The following TDRD6 variants were observed in gnomAD, a reference collection of about 807,000 sequenced individuals.
TDRD6 encodes tudor domain-containing protein 6.
Under a neutral mutation model 157.5 loss-of-function variants are expected in TDRD6, and 186 were observed. The ratio of observed to expected loss-of-function variants is 1.18; its 90% confidence interval spans 1.05 to 1.33. The LOEUF is 1.33. TDRD6 is among the 40% of genes most tolerant of loss of function. The pLI, the probability that TDRD6 is intolerant of heterozygous loss-of-function variation, is 0.00. For synonymous variants in TDRD6, 1,075 were observed against 945.2 expected (o/e 1.14, Z -2.52); for missense variants, 3,066 against 2,508.0 (o/e 1.22, Z -4.75).
intron 2 of TDRD6, among the ~76,000 whole-genome samples, chr6:46,697,583 C>T (rs1764528945): frequency 6.6e-6 from 1 of 152,114 alleles, no homozygotes; most frequent in South Asian, 2.1e-4. Context: ...TTTTCATTGT[C>T]TTTTAAAGTG....
chr6:46,689,760 T>C lies in TDRD6; in HGVS notation c.1632T>C (p.Cys544=), dbSNP rs1764249360. The C allele has an allele frequency of 6.2e-7, 1 of 1,614,078 alleles. No homozygotes were observed. The change falls in exon 1 of 4, where the codon TGT becomes TGC. Residue 544 remains cysteine (C), a synonymous_variant. Transcript: ENST00000316081. ...AACCTGAACCTGATGACCTTTGCTG[T>C]GTCAAGTGGAAAGAAAATGGTTATT... ...VLKPEPDDLC[C]VKWKENGYYR... is the part of the protein sequence containing the mutation.
At position 46,695,819 on chromosome 6, in the gene TDRD6, A is replaced by G; in HGVS notation, c.6047-2A>G. On this transcript the variant is annotated splice_acceptor_variant, in intron 1 of 3. Transcript: ENST00000316081. LOFTEE classifies it high-confidence loss of function. ...TGAGTCTTACTCAATTCAATTTGGC[A>G]GCTCAACTACAGAACACCTACACTC... The G allele has an allele frequency of 6.2e-7, 1 of 1,611,968 alleles. No homozygotes were observed. The highest frequency in any genetic ancestry group is 8.5e-7 in the Non-Finnish European group (1 of 1,179,242).
chr6:46,696,551 ATGTGTG>A (rs1213900777), intron 2 of TDRD6, among the ~76,000 whole-genome samples: 2 of 47,658 alleles, frequency 4.2e-5, no homozygotes, highest in Non-Finnish European at 6.7e-5. Context: ...ATATGTATAT[ATGTGTG>A]TGTGTGTGTG....
Position 46,702,294 on chromosome 6 carries a change from CCTT to C in TDRD6, c.*409_*411del, listed in dbSNP as rs1764644537. The C allele has an allele frequency of 6.5e-6, 1 of 153,816 alleles. No individual in the cohort carries two copies. Among genetic ancestry groups the C allele is most frequent in the African/African-American group, 2.4e-5 (1 of 41,514 alleles). The allele number at this position is 153,816 out of a possible 1,614,324, so 9.5% of individuals were successfully genotyped here. ...TTAGGATAGCTTTTTAGCAGGATCT[CCTT>C]CAGAATTTTTGTCTTGACTTTGAAT... On this transcript the variant is annotated 3_prime_UTR_variant, in exon 4 of 4. Coordinates refer to ENST00000316081, the MANE Select transcript of TDRD6 (RefSeq NM_001010870.3).
Position 46,690,043 on chromosome 6 carries a change from C to T in TDRD6, c.1915C>T (p.His639Tyr), listed in dbSNP as rs1454119475. The change falls in exon 1 of 4, where the codon CAT becomes TAT. Residue 639 changes from histidine to tyrosine, a missense_variant. Transcript: ENST00000316081. ...CATCCATATTCTTGATAAACAGGAT[C>T]ATCAATATGTTATTGAGATTCTTGA... ...LVIHILDKQD[H>Y]QYVIEILDES... 2 of 1,613,982 alleles carry T rather than the reference C, an allele frequency of 1.2e-6. No individual in the cohort carries two copies. Among genetic ancestry groups the T allele is most frequent in the Admixed American group, 1.7e-5 (1 of 60,016 alleles).
intron 2 of TDRD6, among the ~76,000 whole-genome samples, chr6:46,697,223 A>G (rs911524765): frequency 6.6e-5 from 10 of 152,062 alleles, no homozygotes; most frequent in African/African-American, 2.4e-4. Context: ...TATTTTACCT[A>G]TATTCCATCC....
At position 46,692,296 on chromosome 6, in the gene TDRD6, T is replaced by G. The variant is rs1377080861; in HGVS notation, c.4168T>G (p.Tyr1390Asp). ...CCTTCTCTCTGTGCAGTTTATAGAT[T>G]ATGGCAATGTTTCTGTGGTTCATAC... ...NDLLSVQFID[Y>D]GNVSVVHTNK... is the part of the protein sequence containing the mutation. Residue 1390 changes from tyrosine (Y) to aspartate (D), a missense_variant, in exon 1 of 4, where the codon TAT becomes GAT. Coordinates refer to ENST00000316081, the MANE Select transcript of TDRD6 (RefSeq NM_001010870.3). 18 of 1,614,152 alleles carry G rather than the reference T, an allele frequency of 1.1e-5. 1 individual carries two copies. The highest frequency in any genetic ancestry group is 5.5e-5 in the South Asian group (5 of 91,074).
chr6:46,692,222 A>T lies in TDRD6; in HGVS notation c.4094A>T (p.Glu1365Val), dbSNP rs1257562110. ...GATATGATATGTGCTGTTTTCCCAG[A>T]AGATAATTTATGGTATCGTGCTGTG... Reference protein sequence around the residue: ...RGDMICAVFPEDNLWYRAVIK... With the variant: ...RGDMICAVFPVDNLWYRAVIK... The change falls in exon 1 of 4, where the codon GAA becomes GTA. Residue 1365 changes from glutamate (E) to valine (V), a missense_variant. Coordinates refer to ENST00000316081, the MANE Select transcript of TDRD6 (RefSeq NM_001010870.3). The T allele has an allele frequency of 6.2e-7, 1 of 1,613,976 alleles. No individual in the cohort carries two copies. The highest frequency in any genetic ancestry group is 8.5e-7 in the Non-Finnish European group (1 of 1,180,002).
rs1764184323 is a variant in TDRD6 at position 46,688,521 on chromosome 6, A to G, written c.393A>G (p.Leu131=). The change falls in exon 1 of 4, where the codon CTA becomes CTG. Residue 131 remains leucine (L), a synonymous_variant. Coordinates refer to ENST00000316081, the MANE Select transcript of TDRD6 (RefSeq NM_001010870.3). ...NLPSEVLGCV[L]AGLVPAGCGA... ...CCTCGGAAGTGCTGGGCTGCGTGCT[A>G]GCGGGCCTGGTGCCGGCAGGCTGCG... is the stretch of plus-strand genomic sequence containing the variant. The G allele has an allele frequency of 1.3e-6, 2 of 1,567,756 alleles. No individual in the cohort carries two copies. Among genetic ancestry groups the G allele is most frequent in the Admixed American group, 1.8e-5 (1 of 54,234 alleles).
rs1413019505 is a variant in TDRD6, at chr6:46,688,423, C to T, written c.295C>T (p.Leu99=). The T allele has an allele frequency of 2.3e-5, 36 of 1,540,688 alleles. No individual in the cohort carries two copies. The highest frequency in any genetic ancestry group is 2.0e-4 in the Admixed American group (10 of 50,878). Residue 99 remains leucine, a synonymous_variant, in exon 1 of 4, where the codon CTG becomes TTG. Coordinates refer to ENST00000316081, the MANE Select transcript of TDRD6 (RefSeq NM_001010870.3). The part of the protein sequence containing the change: ...RQAQESRVFL[L]DEGRTITAGA... Reference sequence around the variant, plus strand: ...GGCACAGGAGAGCCGTGTCTTCCTGCTGGACGAGGGCCGCACCATCACGGC... The same window carrying T: ...GGCACAGGAGAGCCGTGTCTTCCTGTTGGACGAGGGCCGCACCATCACGGC...
Position 46,689,893 on chromosome 6 carries a change from C to T in TDRD6, c.1765C>T (p.Gln589Ter), listed in dbSNP as rs1311927160. ...DWYDVRMLLP[Q>*]FRQLPILAVK... is the part of the protein sequence containing the mutation. ...GTATGACGTAAGGATGCTGCTTCCT[C>T]AGTTTAGGCAGCTACCAATATTGGC... Residue 589 changes from glutamine to a stop codon, truncating the protein, a stop_gained, in exon 1 of 4, where the codon CAG becomes TAG. Transcript: ENST00000316081. LOFTEE classifies it high-confidence loss of function. 6.2e-7 allele frequency: 1 copy of T among 1,614,042 alleles called. No homozygotes were observed. The highest frequency in any genetic ancestry group is 8.5e-7 in the Non-Finnish European group (1 of 1,180,040).
rs1764689566 is a variant in TDRD6 at position 46,703,940 on chromosome 6, C to T, written c.*2053C>T. ...CCAATTTAATCCACTGCCTTTGCCTCATCTCTAATATTCTTAACCCTTCTC... is the reference window on the plus strand; with the variant it reads ...CCAATTTAATCCACTGCCTTTGCCTTATCTCTAATATTCTTAACCCTTCTC... On this transcript the variant is annotated 3_prime_UTR_variant, in exon 4 of 4. Transcript: ENST00000316081. 1 of 152,418 alleles carries T rather than the reference C, an allele frequency of 6.6e-6. No homozygotes were observed. The highest frequency in any genetic ancestry group is 1.5e-5 in the Non-Finnish European group (1 of 68,228). 9.4% of individuals were successfully genotyped at this position (152,418 alleles called of 1,614,324 possible).
Position 46,688,772 on chromosome 6 carries a change from C to T in TDRD6, c.644C>T (p.Ala215Val). The T allele has an allele frequency of 1.2e-6, 2 of 1,607,168 alleles. No individual in the cohort carries two copies. Among genetic ancestry groups the T allele is most frequent in the South Asian group, 1.1e-5 (1 of 91,072 alleles). Reference protein sequence around the residue: ...FRSLLERYLTAATASVGSGVP... With the variant: ...FRSLLERYLTVATASVGSGVP... The stretch of plus-strand genomic sequence containing the variant: ...TCGCTGCTGGAGCGCTATCTCACAG[C>T]GGCCACTGCTAGCGTGGGCTCCGGG... Residue 215 changes from alanine (A) to valine (V), a missense_variant, in exon 1 of 4, where the codon GCG (alanine) becomes GTG (valine). Physicochemically the swap from Ala to Val is moderately conservative, Grantham distance 64. Coordinates refer to ENST00000316081, the MANE Select transcript of TDRD6 (RefSeq NM_001010870.3).
At chr6:46,699,530 C>G (rs1378379995) in intron 3 of TDRD6, among the ~76,000 whole-genome samples, 1 of 152,148 alleles carries the variant, frequency 6.6e-6, no homozygotes, top group African/African-American at 2.4e-5. Context: ...ATTTCTTACT[C>G]TCTAGCATTC....
chr6:46,685,968 T>C (rs1253581036), upstream of TDRD6, among the ~76,000 whole-genome samples: 1 of 152,080 alleles, frequency 6.6e-6, no homozygotes. Flanking sequence ...CAGCAGAGCA[T>C]GACAGAACAA....
At chr6:46,695,718 G>A (rs45556045) in intron 1 of TDRD6, 103 bp from the exon 2 acceptor site, 37,120 of 1,176,646 alleles carry the variant, frequency 0.032, 678 homozygotes, top group Non-Finnish European at 0.037. Context: ...ACATGATATT[G>A]ATGATATAGA....
Position 46,692,423 on chromosome 6 carries a change from A to G in TDRD6, c.4295A>G (p.Lys1432Arg), listed in dbSNP as rs139660386. ...GAGGTTCCTGACAATAAAAATTCTA[A>G]GAAAATGATGCATTACTTTTCCCAA... ...GFEVPDNKNSKKMMHYFSQRT... is the reference protein window; with the variant it reads ...GFEVPDNKNSRKMMHYFSQRT... Residue 1432 changes from lysine (K) to arginine (R), a missense_variant, in exon 1 of 4, where the codon AAG becomes AGG. Lys to Arg is a conservative substitution (Grantham distance 26, BLOSUM62 2). Transcript: ENST00000316081. 3.5e-3 allele frequency: 5,719 copies of G among 1,614,182 alleles called. 12 individuals carry two copies. The highest frequency in any genetic ancestry group is 4.1e-3 in the Non-Finnish European group (4,835 of 1,180,018).
intron 1 of TDRD6, 25 bp from the exon 2 acceptor site, chr6:46,695,796 A>G: frequency 6.2e-7 from 1 of 1,603,612 alleles, no homozygotes; most frequent in Non-Finnish European, 8.5e-7. Flanking sequence ...ATATGCATTG[A>G]GTCTTACTCA....
In TDRD6 at chr6:46,688,467, G is replaced by A; in HGVS notation, c.339G>A (p.Ala113=). 1 of 1,545,190 alleles carries A rather than the reference G, an allele frequency of 6.5e-7. No homozygotes were observed. Among genetic ancestry groups the A allele is most frequent in the Non-Finnish European group, 8.7e-7 (1 of 1,147,694 alleles). ...TCACGGCCGGAGCAGGCTCGCTGGC[G>A]CCTGGGCGCAGAGAGTTCTTCAATT... ...RTITAGAGSL[A]PGRREFFNLP... is the part of the protein sequence containing the mutation. Residue 113 remains alanine, a synonymous_variant, in exon 1 of 4, where the codon GCG becomes GCA. Transcript: ENST00000316081.
Sources: gnomAD v4.1 joint callset for allele counts (sites outside exome capture counted in the v4.1 genomes callset) on GRCh38, gnomAD v4.1.1 for gene constraint, MANE v1.5 for transcripts, NCBI Gene and HGNC (gene_info 2026-07-23, HGNC 2026-07-21) for gene names.